The following ZBTB38 variants were observed in gnomAD, a reference collection of about 807,000 sequenced individuals.
The protein encoded by ZBTB38 is zinc finger and BTB domain containing 38, also known as zinc finger and BTB domain-containing protein 38.
Under a neutral mutation model 76.8 loss-of-function variants are expected in ZBTB38, and 20 were observed. The ratio of observed to expected loss-of-function variants is 0.26; its 90% confidence interval spans 0.18 to 0.38. The LOEUF (loss-of-function observed/expected upper bound fraction) is 0.38, where lower values mean the gene tolerates loss of function less well. Ranked by LOEUF, ZBTB38 falls within the 10% of genes least tolerant of loss-of-function variation. ZBTB38 has a pLI of 1.00. For synonymous variants in ZBTB38, 504 were observed against 544.2 expected, an observed-to-expected ratio of 0.93 and a Z score of 1.03; for missense variants, 1,082 against 1,482.3, an observed-to-expected ratio of 0.73 and a Z score of 4.43.
intron 1 of ZBTB38, among the ~76,000 whole-genome samples, chr3:141,337,020 C>G (rs1023155059): frequency 6.6e-6 from 1 of 152,218 alleles, no homozygotes; most frequent in African/African-American, 2.4e-5. Flanking sequence ...ATTCTCTTTG[C>G]AAACAAATCC....
chr3:141,334,250 A>G (rs1348095021), intron 1 of ZBTB38, among the ~76,000 whole-genome samples: 1 of 151,808 alleles, frequency 6.6e-6, no homozygotes, highest in Non-Finnish European at 1.5e-5. Context: ...CTATGTGCCA[A>G]AGAGGCCCAT....
rs2081181114 is a variant in ZBTB38, at chr3:141,447,414, T to C, written c.*1438T>C. 1 of 152,624 alleles carries C rather than the reference T, an allele frequency of 6.6e-6. No homozygotes were observed. The highest frequency in any genetic ancestry group is 2.4e-5 in the African/African-American group (1 of 41,444). 9.5% of individuals were successfully genotyped at this position (152,624 alleles called of 1,614,324 possible). ...CACTGAAGTTTTTTTTTTATGTTCT[T>C]TGACCCACACCATCAACACTACCCT... On this transcript the variant is annotated 3_prime_UTR_variant, in exon 6 of 6. Coordinates refer to ENST00000321464, the MANE Select transcript of ZBTB38 (RefSeq NM_001376113.1).
chr3:141,340,970 G>GAA (rs767489717), intron 1 of ZBTB38, among the ~76,000 whole-genome samples: 1 of 92,084 alleles, frequency 1.1e-5, no homozygotes, highest in African/African-American at 6.4e-5. Flanking sequence ...AAGAAAGAAA[G>GAA]AAAGAAAGAA....
intron 3 of ZBTB38, among the ~76,000 whole-genome samples, chr3:141,384,105 G>T (rs1262697513): frequency 6.6e-6 from 1 of 152,238 alleles, no homozygotes; most frequent in Non-Finnish European, 1.5e-5. Context: ...ACCCGAGCAG[G>T]TCTGGTAAAC....
intron 1 of ZBTB38, among the ~76,000 whole-genome samples, chr3:141,346,265 T>C (rs1261912862): frequency 6.6e-6 from 1 of 152,176 alleles, no homozygotes; most frequent in African/African-American, 2.4e-5. Flanking sequence ...CCTCTAGCTA[T>C]TTTAACACTC....
intron 1 of ZBTB38, among the ~76,000 whole-genome samples, chr3:141,357,329 C>A (rs1943691039): frequency 6.6e-6 from 1 of 151,986 alleles, no homozygotes; most frequent in Admixed American, 6.6e-5. Context: ...CAAAGTATGT[C>A]ATTTGTCTTT....
chr3:141,413,349 T>C lies in ZBTB38; in HGVS notation c.-1+9318T>C, dbSNP rs1170917646. 6.6e-6 allele frequency among the ~76,000 whole-genome samples: 1 copy of C among 152,166 alleles called. No individual in the cohort carries two copies. Among genetic ancestry groups the C allele is most frequent in the African/African-American group, 2.4e-5 (1 of 41,434 alleles). ...CTGAGGAATCAGCTGCACATCCCCC[T>C]GATGTCTCTAAAGCTGAAATCTGCT... On this transcript the variant is annotated intron_variant, in intron 5 of 5. Coordinates refer to ENST00000321464, the MANE Select transcript of ZBTB38 (RefSeq NM_001376113.1). This position sits in a 1 kb window ranked among gnomAD's most constrained non-coding sequence, Gnocchi z 4.1.
rs945478354 is a variant in ZBTB38 at position 141,449,475 on chromosome 3, G to A, written c.*3499G>A. 12 of 152,206 alleles carry A rather than the reference G, an allele frequency of 7.9e-5. No individual in the cohort carries two copies. The highest frequency in any genetic ancestry group is 7.2e-4 in the Admixed American group (11 of 15,292). 9.4% of individuals were successfully genotyped at this position (152,206 alleles called of 1,614,324 possible). A position where few individuals can be genotyped will look rare whatever the true frequency, so the allele number is the denominator to read the frequency against. On this transcript the variant is annotated 3_prime_UTR_variant, in exon 6 of 6. Transcript: ENST00000321464. ...TCACACAAAGAAAAAAATACGTTCC[G>A]TCGTCACAGACTCTACTCCTAAACT... is the stretch of plus-strand genomic sequence containing the variant.
intron 1 of ZBTB38, among the ~76,000 whole-genome samples, chr3:141,360,778 C>G (rs1576680347): frequency 6.6e-6 from 1 of 152,144 alleles, no homozygotes; most frequent in Middle Eastern, 3.4e-3. Flanking sequence ...TGGCAGCATC[C>G]CTGGCTTCTA....
Position 141,391,695 on chromosome 3 carries a change from T to C in ZBTB38, c.-106+4758T>C, listed in dbSNP as rs571459709. ...GAGAAGCCTCTTGCTTTATTTTTCA[T>C]AAGAATTCTGGAATTTAAACCAATG... On this transcript the variant is annotated intron_variant, in intron 4 of 5. Transcript: ENST00000321464. Among the ~76,000 whole-genome samples the C allele has an allele frequency of 9.8e-5, 15 of 152,334 alleles. No homozygotes were observed. The East Asian group carries it at 2.7e-3, about 27-fold the overall frequency.
At chr3:141,431,033 C>T (rs1559955912) in intron 5 of ZBTB38, among the ~76,000 whole-genome samples, 1 of 151,842 alleles carries the variant, frequency 6.6e-6, no homozygotes, top group African/African-American at 2.4e-5. Flanking sequence ...TCTATTAATA[C>T]ATTTTGGGGC....
At chr3:141,419,146 C>T (rs369572765) in intron 5 of ZBTB38, among the ~76,000 whole-genome samples, 7 of 152,116 alleles carry the variant, frequency 4.6e-5, no homozygotes, top group Non-Finnish European at 5.9e-5. Context: ...AAAGGGGAAG[C>T]GGCATCTTCT....
At chr3:141,387,612 A>C (rs1461279688) in intron 4 of ZBTB38, 1 of 152,196 alleles carries the variant, frequency 6.6e-6, no homozygotes, top group Non-Finnish European at 1.5e-5. Context: ...CAGAGGAGGA[A>C]GGGGAAAAAA....
chr3:141,352,581 G>A (rs1253033401), intron 1 of ZBTB38, among the ~76,000 whole-genome samples: 1 of 152,040 alleles, frequency 6.6e-6, no homozygotes, highest in East Asian at 1.9e-4. Context: ...AGGAAAATGG[G>A]GTGATGATGG....
chr3:141,381,069 A>G (rs910925190), intron 2 of ZBTB38, among the ~76,000 whole-genome samples: 4 of 152,200 alleles, frequency 2.6e-5, no homozygotes, highest in Non-Finnish European at 5.9e-5. Flanking sequence ...CCAATTCAGA[A>G]TCTAGAAGGC....
chr3:141,335,685 A>G (rs903291738), intron 1 of ZBTB38, among the ~76,000 whole-genome samples: 5 of 152,206 alleles, frequency 3.3e-5, no homozygotes, highest in Admixed American at 2.6e-4. Flanking sequence ...CTAGCCTCAG[A>G]TCACCTCCCA....
chr3:141,421,017 G>T (rs1235774497), intron 5 of ZBTB38, among the ~76,000 whole-genome samples: 1 of 131,462 alleles, frequency 7.6e-6, no homozygotes, highest in Non-Finnish European at 1.7e-5. Context: ...AGAAGTTCAG[G>T]AAAAAAAAAA....
At chr3:141,363,408 T>C (rs1943873309) in intron 1 of ZBTB38, among the ~76,000 whole-genome samples, 1 of 152,190 alleles carries the variant, frequency 6.6e-6, no homozygotes, top group Non-Finnish European at 1.5e-5. Flanking sequence ...CTAAAAATCA[T>C]ATGGCAATGC....
chr3:141,420,917 A>G (rs2075201375), intron 5 of ZBTB38, among the ~76,000 whole-genome samples: 1 of 152,026 alleles, frequency 6.6e-6, no homozygotes, highest in Non-Finnish European at 1.5e-5. Flanking sequence ...ACCAGAATAA[A>G]TAAGGGAAAT....
Sources: gnomAD v4.1 joint callset for allele counts (sites outside exome capture counted in the v4.1 genomes callset) on GRCh38, gnomAD v4.1.1 for gene constraint, Gnocchi (gnomAD v3.1) non-coding constraint, MANE v1.5 for transcripts, NCBI Gene and HGNC (gene_info 2026-07-23, HGNC 2026-07-21) for gene names.